The following ATP2C1 variants were observed in gnomAD, a reference collection of about 807,000 sequenced individuals.
ATP2C1 encodes the protein calcium-transporting ATPase type 2C member 1.
A neutral mutation model predicts 120.5 loss-of-function variants in ATP2C1; 31 were observed. The observed-to-expected ratio is 0.26, with a 90% CI of 0.19 to 0.35. The LOEUF (loss-of-function observed/expected upper bound fraction) is 0.35. Ranked by LOEUF, ATP2C1 falls within the 10% of genes least tolerant of loss-of-function variation. ATP2C1 has a pLI of 1.00. For synonymous variants in ATP2C1, 351 were observed against 358.7 expected (o/e 0.98, Z 0.24); for missense variants, 731 against 1,107.5 (o/e 0.66, Z 4.83).
At chr3:130,918,010 T>TAAA (rs2058761415) in intron 2 of ATP2C1, among the ~76,000 whole-genome samples, 1 of 152,146 alleles carries the variant, frequency 6.6e-6, no homozygotes, top group Non-Finnish European at 1.5e-5. Flanking sequence ...ATTTAAATTG[T>TAAA]AAAAGAAATG....
At chr3:130,952,046 C>T (rs2060391828) in intron 8 of ATP2C1, among the ~76,000 whole-genome samples, 1 of 152,186 alleles carries the variant, frequency 6.6e-6, no homozygotes, top group South Asian at 2.1e-4. Context: ...ATGAAATCCA[C>T]TCTCCCTAAT....
intron 2 of ATP2C1, among the ~76,000 whole-genome samples, chr3:130,902,083 T>C (rs1336365009): frequency 6.6e-6 from 1 of 152,034 alleles, no homozygotes; most frequent in African/African-American, 2.4e-5. Context: ...GCAAGGAAGT[T>C]GACTCCTCTA....
chr3:130,976,917 A>G (rs1341149582), intron 18 of ATP2C1, among the ~76,000 whole-genome samples: 2 of 152,182 alleles, frequency 1.3e-5, no homozygotes, highest in Non-Finnish European at 2.9e-5. Flanking sequence ...GTGCCCTCGT[A>G]CATTGTACCG....
At chr3:130,932,750 G>C (rs899345335) in intron 4 of ATP2C1, among the ~76,000 whole-genome samples, 1 of 152,110 alleles carries the variant, frequency 6.6e-6, no homozygotes, top group African/African-American at 2.4e-5. Flanking sequence ...GAAGTAATTA[G>C]GTTGGTTTGC....
At chr3:130,950,180 G>A (rs1447705755) in intron 8 of ATP2C1, among the ~76,000 whole-genome samples, 1 of 152,060 alleles carries the variant, frequency 6.6e-6, no homozygotes, top group Admixed American at 6.6e-5. Flanking sequence ...TTGTGTACAT[G>A]TTAAATATTT....
chr3:130,903,379 T>C (rs558747466), intron 2 of ATP2C1, among the ~76,000 whole-genome samples: 2 of 152,186 alleles, frequency 1.3e-5, no homozygotes, highest in South Asian at 4.1e-4. Flanking sequence ...TGTATTTGAC[T>C]GTCAACTGCT....
At chr3:130,964,736 A>ATG (rs2060977292) in intron 13 of ATP2C1, among the ~76,000 whole-genome samples, 1 of 151,600 alleles carries the variant, frequency 6.6e-6, no homozygotes, top group African/African-American at 2.4e-5. Context: ...AAATAAGAAC[A>ATG]TGTCATCATC....
At chr3:130,998,701 C>A (rs928284403) in intron 26 of ATP2C1, among the ~76,000 whole-genome samples, 2 of 152,182 alleles carry the variant, frequency 1.3e-5, no homozygotes, top group African/African-American at 4.8e-5. Context: ...GAACAAACCT[C>A]ATAGTTTCTG....
rs2061717351 is a variant in ATP2C1, at chr3:130,980,690, A to G, written c.1839+11A>G. The G allele has an allele frequency of 6.3e-7, 1 of 1,598,556 alleles. No homozygotes were observed. The highest frequency in any genetic ancestry group is 8.6e-7 in the Non-Finnish European group (1 of 1,166,322). ...CAAATAGTACCAAAGGTAGGCCTAA[A>G]CTAAAGCCTTTTGGACTGAAAGGCC... On this transcript the variant is annotated intron_variant, in intron 20 of 27. Transcript: ENST00000510168.
At chr3:130,971,201 C>T (rs905547527) in intron 17 of ATP2C1, among the ~76,000 whole-genome samples, 4 of 152,166 alleles carry the variant, frequency 2.6e-5, no homozygotes, top group African/African-American at 9.7e-5. Context: ...GATAGTGTGG[C>T]TCATGTAATG....
intron 1 of ATP2C1, among the ~76,000 whole-genome samples, chr3:130,862,461 G>A (rs1450050076): frequency 6.6e-6 from 1 of 152,016 alleles, no homozygotes. Flanking sequence ...AATTATGGGT[G>A]TGAGCCACCG....
chr3:130,919,169 G>T, intron 2 of ATP2C1: 1 of 238,954 alleles, frequency 4.2e-6, no homozygotes, highest in Admixed American at 5.6e-5. Context: ...GAGAGGCTGG[G>T]CTGGAGGGAG....
At chr3:131,012,260 CTTTTTTTTTTT>C (rs71620100) in intron 26 of ATP2C1, among the ~76,000 whole-genome samples, 1 of 127,214 alleles carries the variant, frequency 7.9e-6, no homozygotes, top group East Asian at 2.2e-4. Flanking sequence ...TTTCTTTTTT[CTTTTTTTTTTT>C]TTTTTTGAGA....
chr3:130,921,423 AT>A (rs979552650), intron 2 of ATP2C1, among the ~76,000 whole-genome samples: 9 of 152,004 alleles, frequency 5.9e-5, no homozygotes, highest in East Asian at 1.9e-4. Flanking sequence ...ATTTGGATGT[AT>A]TTTTTTTATT....
upstream of ATP2C1, among the ~76,000 whole-genome samples, chr3:130,890,989 A>T (rs2107868697): frequency 6.6e-6 from 1 of 152,314 alleles, no homozygotes; most frequent in East Asian, 1.9e-4. Flanking sequence ...AGGCAAGAGG[A>T]TCTCTTGAGC....
intron 1 of ATP2C1, among the ~76,000 whole-genome samples, chr3:130,857,885 A>G (rs973128301): frequency 1.3e-4 from 20 of 152,196 alleles, no homozygotes; most frequent in African/African-American, 4.8e-4. Flanking sequence ...GCTGAGGATC[A>G]AGGAAGTCAG....
intron 1 of ATP2C1, among the ~76,000 whole-genome samples, chr3:130,885,576 A>G (rs1454956851): frequency 6.6e-6 from 1 of 150,456 alleles, no homozygotes; most frequent in Non-Finnish European, 1.5e-5. Flanking sequence ...AAGACAACTT[A>G]AAACTGATTG....
chr3:130,997,791 T>G, intron 25 of ATP2C1, 38 bp downstream of exon 25: 1 of 1,604,372 alleles, frequency 6.2e-7, no homozygotes, highest in Non-Finnish European at 8.5e-7. Flanking sequence ...TAACATGAAT[T>G]CTGTATATCT....
At chr3:131,013,949 C>A in intron 26 of ATP2C1, 3 of 686,964 alleles carry the variant, frequency 4.4e-6, no homozygotes, top group Non-Finnish European at 7.0e-6. Context: ...GATGTTTATC[C>A]CCTAACAGGT....
Sources: gnomAD v4.1 joint callset for allele counts (sites outside exome capture counted in the v4.1 genomes callset) on GRCh38, gnomAD v4.1.1 for gene constraint, MANE v1.5 for transcripts, NCBI Gene and HGNC (gene_info 2026-07-23, HGNC 2026-07-21) for gene names.